The following HEATR4 variants were observed in gnomAD, a reference collection of about 807,000 sequenced individuals.
The protein encoded by HEATR4 is HEAT repeat containing 4.
HEATR4 carries 95 observed loss-of-function variants against 108.8 expected under a neutral mutation model. The ratio of observed to expected loss-of-function variants is 0.87; its 90% confidence interval spans 0.74 to 1.04. The LOEUF is 1.04. HEATR4 is among the 50% of genes least tolerant of loss of function. The pLI, the probability that HEATR4 is intolerant of heterozygous loss-of-function variation, is 0.00. For synonymous variants in HEATR4, 443 were observed against 459.4 expected (o/e 0.96, Z 0.46); for missense variants, 1,152 against 1,253.8 (o/e 0.92, Z 1.23).
At chr14:73,569,184 C>G in the HEATR4 span, 5 of 1,588,092 alleles carry the variant, frequency 3.1e-6, no homozygotes, top group Non-Finnish European at 4.3e-6. Context: ...TCCCCGCTCA[C>G]GTTAGCAGAC....
chr14:73,599,001 C>CAA, the HEATR4 span, among the ~76,000 whole-genome samples: 1 of 144,108 alleles, frequency 6.9e-6, no homozygotes, highest in Non-Finnish European at 1.5e-5. Flanking sequence ...GAGACTGTCT[C>CAA]AAAAAAAAAA....
chr14:73,623,053 C>T, the HEATR4 span, among the ~76,000 whole-genome samples: 1 of 151,886 alleles, frequency 6.6e-6, no homozygotes, highest in Non-Finnish European at 1.5e-5. Context: ...GGAATACAGG[C>T]ATGCACCACC....
At chr14:73,579,002 G>A in the HEATR4 span, among the ~76,000 whole-genome samples, 28 of 149,298 alleles carry the variant, frequency 1.9e-4, no homozygotes, top group Admixed American at 2.7e-4. Flanking sequence ...GGAGAATGGC[G>A]TGAACCCGGG....
At chr14:73,498,066 G>T in intron 14 of HEATR4, 89 bp downstream of exon 14, 2 of 1,247,906 alleles carry the variant, frequency 1.6e-6, no homozygotes, top group Non-Finnish European at 2.2e-6. Context: ...CCATTAGGTA[G>T]CCTGGAAAGG....
chr14:73,611,276 G>A, the HEATR4 span, among the ~76,000 whole-genome samples: 1 of 152,204 alleles, frequency 6.6e-6, no homozygotes, highest in African/African-American at 2.4e-5. Flanking sequence ...TTTGGCCAAA[G>A]AGAGGCATTA....
chr14:73,514,082 G>T lies in HEATR4; in HGVS notation c.1363C>A (p.Leu455Met). ...KSLQEDVTWELVVLRRMLKEW... is the reference protein window; with the variant it reads ...KSLQEDVTWEMVVLRRMLKEW... The stretch of plus-strand genomic sequence containing the variant: ...TTCAGCATCCTCCGCAGGACCACCA[G>T]TTCCCAGGTCACATCCTCCTGCAGT... Residue 455 changes from leucine to methionine, a missense_variant, in exon 6 of 18, where the codon CTG becomes ATG. By Grantham distance (15) the Leu-to-Met change is conservative. Coordinates refer to ENST00000553558, the MANE Select transcript of HEATR4 (RefSeq NM_001220484.1). 6.2e-7 allele frequency: 1 copy of T among 1,614,172 alleles called. No individual in the cohort carries two copies. The highest frequency in any genetic ancestry group is 8.5e-7 in the Non-Finnish European group (1 of 1,180,038).
chr14:73,511,913 G>A lies in HEATR4; in HGVS notation c.1558+93C>T, dbSNP rs995415206. The A allele has an allele frequency of 2.7e-6, 4 of 1,483,508 alleles. No homozygotes were observed. In the African/African-American group the frequency reaches 5.6e-5, roughly 21 times the overall value. 91.9% of individuals were successfully genotyped at this position (1,483,508 alleles called of 1,614,324 possible). A position where few individuals can be genotyped will look rare whatever the true frequency, so the allele number is the denominator to read the frequency against. On this transcript the variant is annotated intron_variant, in intron 7 of 17. Transcript: ENST00000553558. ...GTCTTGGTTTCCACATTTGTAAAAT[G>A]ATCTCAGATAAGCCCTGGGTCCCTA...
At chr14:73,633,274 G>A in the HEATR4 span, among the ~76,000 whole-genome samples, 2,734 of 152,200 alleles carry the variant, frequency 0.018, 42 homozygotes, top group Non-Finnish European at 0.031. Flanking sequence ...TAAAGTGCTG[G>A]GATTACAGGC....
At chr14:73,595,209 C>T in the HEATR4 span, 2 of 1,614,180 alleles carry the variant, frequency 1.2e-6, no homozygotes, top group Non-Finnish European at 1.7e-6. Flanking sequence ...AGCATTCCAC[C>T]ATTGGGCTAT....
chr14:73,503,297 T>C (rs1161782985), intron 10 of HEATR4, among the ~76,000 whole-genome samples: 2 of 152,214 alleles, frequency 1.3e-5, no homozygotes, highest in Non-Finnish European at 2.9e-5. Flanking sequence ...CTTTAAACTA[T>C]GTAGTATCAG....
the HEATR4 span, among the ~76,000 whole-genome samples, chr14:73,589,438 G>A: frequency 4.6e-5 from 7 of 152,046 alleles, no homozygotes; most frequent in Admixed American, 1.3e-4. Flanking sequence ...TCCTGCCTCA[G>A]CCTCCCAGGT....
the HEATR4 span, among the ~76,000 whole-genome samples, chr14:73,614,064 G>A: frequency 6.7e-6 from 1 of 150,280 alleles, no homozygotes; most frequent in Non-Finnish European, 1.5e-5. Flanking sequence ...AGGCAGGCAT[G>A]GTGGTGCATG....
Position 73,499,139 on chromosome 14 carries a change from AC to A in HEATR4, c.2287del (p.Val763CysfsTer6). 1 of 1,614,054 alleles carries A rather than the reference AC, an allele frequency of 6.2e-7. No homozygotes were observed. The highest frequency in any genetic ancestry group is 8.5e-7 in the Non-Finnish European group (1 of 1,179,910). Reference sequence around the variant, plus strand: ...CATCAGGTTCAGGAGGCATTCAAGCACCTGGGATGGAAAAGGCAGTGTTGAG... The same window carrying A: ...CATCAGGTTCAGGAGGCATTCAAGCACTGGGATGGAAAAGGCAGTGTTGAG... ...AGALQIRDKM[V>X]LECLLNLMQR... On this transcript the variant is annotated frameshift_variant and splice_region_variant, in exon 13 of 18. Coordinates refer to ENST00000553558, the MANE Select transcript of HEATR4 (RefSeq NM_001220484.1). LOFTEE classifies it high-confidence loss of function.
chr14:73,481,638 G>A (rs1036691412), intron 17 of HEATR4, among the ~76,000 whole-genome samples: 2 of 151,624 alleles, frequency 1.3e-5, no homozygotes, highest in African/African-American at 4.8e-5. Flanking sequence ...TCAGGAGATC[G>A]AGACCATCCT....
chr14:73,569,702 G>A, the HEATR4 span: 3 of 1,609,488 alleles, frequency 1.9e-6, no homozygotes, highest in Non-Finnish European at 2.5e-6. Flanking sequence ...CTTTGGTGCG[G>A]CTGGTGAAGC....
At chr14:73,513,728 C>CAA (rs747778891) in intron 6 of HEATR4, among the ~76,000 whole-genome samples, 9,506 of 46,770 alleles carry the variant, frequency 0.2, 2,472 homozygotes, top group South Asian at 0.37. Context: ...ACTACGTCTC[C>CAA]AAAAAAAAAA....
intron 5 of HEATR4, among the ~76,000 whole-genome samples, chr14:73,517,665 CAAAA>C (rs34441032): frequency 1.0e-4 from 6 of 59,364 alleles, no homozygotes; most frequent in Non-Finnish European, 1.5e-4. Flanking sequence ...GAGACCCTGT[CAAAA>C]AAAAAAAAAA....
chr14:73,509,810 CCATATATATATA>C (rs1334450041), intron 7 of HEATR4, among the ~76,000 whole-genome samples: 1,018 of 63,150 alleles, frequency 0.016, 187 homozygotes, highest in African/African-American at 0.029. Context: ...CCCCATGAGC[CCATATATATATA>C]TATATATATA....
intron 2 of HEATR4, among the ~76,000 whole-genome samples, chr14:73,528,101 A>C (rs1888453782): frequency 6.6e-6 from 1 of 151,924 alleles, no homozygotes. Context: ...AATTATTAGA[A>C]ATTCTTAAGG....
Sources: gnomAD v4.1 joint callset for allele counts (sites outside exome capture counted in the v4.1 genomes callset) on GRCh38, gnomAD v4.1.1 for gene constraint, MANE v1.5 for transcripts, NCBI Gene and HGNC (gene_info 2026-07-23, HGNC 2026-07-21) for gene names.